Variants in DLGAP2 observed in about 807,000 individuals in gnomAD.
DLGAP2 encodes the protein DLG associated protein 2.
A neutral mutation model predicts 100.3 loss-of-function variants in DLGAP2; 26 were observed. The ratio of observed to expected loss-of-function variants is 0.26; its 90% CI spans 0.19 to 0.36. The LOEUF (loss-of-function observed/expected upper bound fraction) is 0.36. Among genes scored for constraint, DLGAP2 ranks in the 10% least tolerant of loss-of-function variants. The pLI, the probability that DLGAP2 is intolerant of heterozygous loss-of-function variation, is 1.00. For synonymous variants in DLGAP2, 886 were observed against 630.1 expected (o/e 1.41, Z -6.08); for missense variants, 1,858 against 1,453.2 (o/e 1.28, Z -4.53).
intron 2 of DLGAP2, among the ~76,000 whole-genome samples, chr8:924,275 G>C (rs569101553): frequency 6.6e-6 from 1 of 152,232 alleles, no homozygotes; most frequent in Non-Finnish European, 1.5e-5. Context: ...GGTGATGTGG[G>C]TAGAAGACAG....
intron 3 of DLGAP2, among the ~76,000 whole-genome samples, chr8:1,391,860 GT>G (rs1232715543): frequency 6.6e-6 from 1 of 152,234 alleles, no homozygotes; most frequent in Non-Finnish European, 1.5e-5. Flanking sequence ...CAAGACCCGA[GT>G]ATGTGTCTTC....
chr8:1,632,747 AGC>A, intron 7 of DLGAP2, 78 bp from the exon 8 acceptor site: 1 of 1,396,150 alleles, frequency 7.2e-7, no homozygotes, highest in African/African-American at 1.4e-5. Flanking sequence ...CCTGGGAATG[AGC>A]GCGCTCTCCT....
At chr8:1,427,314 A>G (rs1797263336) in intron 3 of DLGAP2, among the ~76,000 whole-genome samples, 1 of 152,248 alleles carries the variant, frequency 6.6e-6, no homozygotes, top group Non-Finnish European at 1.5e-5. Flanking sequence ...GACAAATGTA[A>G]TATGATAAAT....
chr8:1,095,209 T>C (rs1014692610), intron 2 of DLGAP2, among the ~76,000 whole-genome samples: 4 of 152,316 alleles, frequency 2.6e-5, no homozygotes, highest in African/African-American at 9.6e-5. Flanking sequence ...CATTTTTAAA[T>C]TGGTGAACAC....
At position 1,431,962 on chromosome 8, in the gene DLGAP2, C is replaced by T. The variant is rs1226647186; in HGVS notation, c.107-69404C>T. Among the ~76,000 whole-genome samples the T allele has an allele frequency of 2.7e-5, 4 of 148,956 alleles. 1 individual carries two copies. Among genetic ancestry groups the T allele is most frequent in the African/African-American group, 5.0e-5 (2 of 40,372 alleles). Reference sequence around the variant, plus strand: ...CACCCCATGCCAGCCAGCACCGCTACGGCTGCCATCCATCGGGGCTGAATC... The same window carrying T: ...CACCCCATGCCAGCCAGCACCGCTATGGCTGCCATCCATCGGGGCTGAATC... On this transcript the variant is annotated intron_variant, in intron 3 of 14. Transcript: ENST00000637795.
At chr8:1,436,413 C>G (rs896431811) in intron 3 of DLGAP2, among the ~76,000 whole-genome samples, 3 of 152,160 alleles carry the variant, frequency 2.0e-5, no homozygotes, top group Non-Finnish European at 4.4e-5. Flanking sequence ...CTGCTTTTAT[C>G]CTAGCCGTGC....
At chr8:1,517,946 A>G (rs971705676) in intron 4 of DLGAP2, among the ~76,000 whole-genome samples, 1 of 152,236 alleles carries the variant, frequency 6.6e-6, no homozygotes, top group Non-Finnish European at 1.5e-5. Context: ...AACTTTCTGG[A>G]GCAAGTGCTC....
intron 1 of DLGAP2, among the ~76,000 whole-genome samples, chr8:814,509 T>C (rs1386780761): frequency 6.6e-6 from 1 of 152,186 alleles, no homozygotes; most frequent in Non-Finnish European, 1.5e-5. Flanking sequence ...ATTCAGACCC[T>C]GATTCGGATC....
At chr8:782,332 A>G (rs1821714346) in intron 1 of DLGAP2, among the ~76,000 whole-genome samples, 1 of 152,088 alleles carries the variant, frequency 6.6e-6, no homozygotes, top group African/African-American at 2.4e-5. Context: ...TTTTAGCTTG[A>G]TTTTTTTAAA....
chr8:949,577 C>T (rs1799423768), intron 2 of DLGAP2, among the ~76,000 whole-genome samples: 1 of 152,190 alleles, frequency 6.6e-6, no homozygotes, highest in South Asian at 2.1e-4. Flanking sequence ...TGGGCGCGTG[C>T]CAGGGCGTGT....
chr8:1,181,837 C>T (rs1244912204), intron 2 of DLGAP2, among the ~76,000 whole-genome samples: 1 of 152,180 alleles, frequency 6.6e-6, no homozygotes, highest in African/African-American at 2.4e-5. Flanking sequence ...TGACAGGTAC[C>T]ACCTTCCTCC....
chr8:1,096,642 G>C (rs867775320), intron 2 of DLGAP2, among the ~76,000 whole-genome samples: 2 of 150,688 alleles, frequency 1.3e-5, no homozygotes, highest in Non-Finnish European at 3.0e-5. Flanking sequence ...ACCTCCCTGC[G>C]CTCAGTAGAG....
chr8:1,645,007 G>A (rs186738042), intron 8 of DLGAP2, among the ~76,000 whole-genome samples: 68 of 152,314 alleles, frequency 4.5e-4, no homozygotes, highest in Non-Finnish European at 8.1e-4. Flanking sequence ...CTTTGGAAGG[G>A]TCACTTAAGG....
At chr8:1,033,787 G>C (rs111622103) in intron 2 of DLGAP2, among the ~76,000 whole-genome samples, 1,051 of 77,086 alleles carry the variant, frequency 0.014, 16 homozygotes, top group African/African-American at 0.047. Context: ...GGGTTCACAC[G>C]CTCATCCCGA....
At chr8:1,438,926 A>G (rs1234033958) in intron 3 of DLGAP2, among the ~76,000 whole-genome samples, 6 of 152,250 alleles carry the variant, frequency 3.9e-5, no homozygotes, top group Non-Finnish European at 7.3e-5. Flanking sequence ...GCACGTTCAC[A>G]ATTGTGAAGC....
At position 1,683,834 on chromosome 8, in the gene DLGAP2, C is replaced by CTATATATATATGTATATATATATA. The variant is rs1554430742; in HGVS notation, c.2704+5216_2704+5217insGTATATATATATATATATATATAT. ...CCTGATTTTCCTTGTCTTTGCTCCA[C>CTATATATATATGTATATATATATA]TATATATATATATATATATATATGT... On this transcript the variant is annotated intron_variant, in intron 12 of 14. Transcript: ENST00000637795. Among the ~76,000 whole-genome samples the CTATATATATATGTATATATATATA allele has an allele frequency of 1.1e-4, 6 of 56,246 alleles. 1 individual carries two copies. The highest frequency in any genetic ancestry group is 5.7e-4 in the African/African-American group (6 of 10,524). 36.9% of individuals were successfully genotyped at this position (56,246 alleles called of 152,430 possible).
intron 2 of DLGAP2, among the ~76,000 whole-genome samples, chr8:1,065,234 T>C (rs1803209454): frequency 6.6e-6 from 1 of 152,244 alleles, no homozygotes; most frequent in Admixed American, 6.5e-5. Flanking sequence ...TTTTTAAAGA[T>C]ACAGCCATTG....
chr8:960,522 A>G (rs1172605944), intron 2 of DLGAP2, among the ~76,000 whole-genome samples: 1 of 152,044 alleles, frequency 6.6e-6, no homozygotes, highest in Non-Finnish European at 1.5e-5. Context: ...AGCATGGGCC[A>G]CCACTCCCGG....
intron 2 of DLGAP2, among the ~76,000 whole-genome samples, chr8:1,173,817 T>G (rs1797187051): frequency 1.3e-5 from 2 of 152,224 alleles, no homozygotes; most frequent in South Asian, 4.1e-4. Context: ...GGGAACTCTC[T>G]GACCCATTGC....
Sources: gnomAD v4.1 joint callset for allele counts (sites outside exome capture counted in the v4.1 genomes callset) on GRCh38, gnomAD v4.1.1 for gene constraint, MANE v1.5 for transcripts, NCBI Gene and HGNC (gene_info 2026-07-23, HGNC 2026-07-21) for gene names.